Variants in KIF16B observed in about 807,000 individuals in gnomAD.
KIF16B encodes kinesin-like protein KIF16B.
A neutral mutation model predicts 156.3 loss-of-function variants in KIF16B; 98 were observed. The observed-to-expected ratio is 0.63, with a 90% confidence interval of 0.53 to 0.74. The LOEUF (loss-of-function observed/expected upper bound fraction) is 0.74. KIF16B is among the 30% of genes least tolerant of loss of function. KIF16B has a pLI of 0.00. For missense variants in KIF16B, 1,421 were observed against 1,606.5 expected (o/e 0.88, Z 1.97); for synonymous variants, 564 against 583.7 (o/e 0.97, Z 0.49).
At chr20:16,350,191 G>A (rs2064308893) in intron 23 of KIF16B, among the ~76,000 whole-genome samples, 1 of 152,248 alleles carries the variant, frequency 6.6e-6, no homozygotes, top group Non-Finnish European at 1.5e-5. Context: ...TAAGTTGTCT[G>A]TGTGTAGTTC....
chr20:16,485,008 T>C (rs1044081730), intron 12 of KIF16B, among the ~76,000 whole-genome samples: 4 of 152,214 alleles, frequency 2.6e-5, no homozygotes, highest in African/African-American at 9.6e-5. Context: ...TACACTGTGG[T>C]TGTACCCATG....
intron 23 of KIF16B, among the ~76,000 whole-genome samples, chr20:16,347,086 C>T (rs1284221710): frequency 6.6e-6 from 1 of 152,180 alleles, no homozygotes; most frequent in African/African-American, 2.4e-5. Flanking sequence ...AAAATGCATT[C>T]ATGATTCCTA....
rs1350234967 is a variant in KIF16B, at chr20:16,379,261, T to C, written c.2741A>G (p.Gln914Arg). ...YKERQLQYLLQNHLPTLLEEK... is the reference protein window; with the variant it reads ...YKERQLQYLLRNHLPTLLEEK... ...TTCCAACAGAGTTGGCAAGTGATTC[T>C]GCAGGAGGTACTGTAGCTGGCGTTC... The change falls in exon 19 of 26, where the codon CAG becomes CGG. Residue 914 changes from glutamine (Q) to arginine (R), a missense_variant. Physicochemically the swap from Gln to Arg is conservative, Grantham distance 43 (BLOSUM62 1). Transcript: ENST00000354981. The C allele has an allele frequency of 1.9e-6, 3 of 1,614,008 alleles. No individual in the cohort carries two copies. In the East Asian group the frequency reaches 6.7e-5, roughly 36 times the overall value.
intron 25 of KIF16B, among the ~76,000 whole-genome samples, chr20:16,277,641 G>C (rs2063083241): frequency 6.6e-6 from 1 of 151,970 alleles, no homozygotes; most frequent in African/African-American, 2.4e-5. Context: ...AGTCACCGTA[G>C]CCCTCCCAGG....
At chr20:16,531,876 T>G (rs995864155) in intron 1 of KIF16B, among the ~76,000 whole-genome samples, 1 of 152,064 alleles carries the variant, frequency 6.6e-6, no homozygotes, top group African/African-American at 2.4e-5. Flanking sequence ...GAGACCAGCC[T>G]GGCCAACATG....
intron 15 of KIF16B, among the ~76,000 whole-genome samples, chr20:16,411,776 T>C (rs936520242): frequency 6.6e-6 from 1 of 151,974 alleles, no homozygotes; most frequent in African/African-American, 2.4e-5. Flanking sequence ...CCTCTTTTCC[T>C]TTGTGGATAT....
chr20:16,459,699 C>T (rs577595266), intron 12 of KIF16B, among the ~76,000 whole-genome samples: 1 of 152,180 alleles, frequency 6.6e-6, no homozygotes, highest in Non-Finnish European at 1.5e-5. Context: ...CTATCTTGGG[C>T]CTGCTCCTCA....
intron 23 of KIF16B, among the ~76,000 whole-genome samples, chr20:16,340,373 C>T (rs1410326668): frequency 6.6e-6 from 1 of 152,186 alleles, no homozygotes; most frequent in African/African-American, 2.4e-5. Flanking sequence ...CTTCTGATTA[C>T]CTAACATGGT....
intron 15 of KIF16B, among the ~76,000 whole-genome samples, chr20:16,407,676 A>G (rs1355644540): frequency 6.6e-6 from 1 of 152,154 alleles, no homozygotes; most frequent in Non-Finnish European, 1.5e-5. Context: ...GGATGTTTGA[A>G]ACAGCATCAA....
intron 12 of KIF16B, among the ~76,000 whole-genome samples, chr20:16,487,946 A>C (rs62199774): frequency 0.013 from 2,051 of 152,308 alleles, 21 homozygotes; most frequent in Middle Eastern, 0.065. Flanking sequence ...CACATAATTA[A>C]AGTCTAAATA....
chr20:16,277,173 C>G (rs913541563), intron 25 of KIF16B, among the ~76,000 whole-genome samples: 16 of 152,270 alleles, frequency 1.1e-4, no homozygotes, highest in African/African-American at 3.6e-4. Flanking sequence ...CTGTGAGATG[C>G]GGCCATGCTG....
intron 12 of KIF16B, among the ~76,000 whole-genome samples, chr20:16,433,227 A>C (rs74553616): frequency 0.029 from 4,482 of 152,268 alleles, 89 homozygotes; most frequent in Non-Finnish European, 0.046. Flanking sequence ...CAAACTGCAC[A>C]CACAGTCAGT....
At chr20:16,441,932 G>C (rs757685522) in intron 12 of KIF16B, among the ~76,000 whole-genome samples, 5 of 152,054 alleles carry the variant, frequency 3.3e-5, no homozygotes, top group Non-Finnish European at 5.9e-5. Flanking sequence ...GTCTATATCT[G>C]TATTATATGG....
At chr20:16,416,622 C>T (rs571644047) in intron 15 of KIF16B, among the ~76,000 whole-genome samples, 1 of 151,892 alleles carries the variant, frequency 6.6e-6, no homozygotes, top group African/African-American at 2.4e-5. Flanking sequence ...CTAATGCATG[C>T]CATTAATACC....
intron 20 of KIF16B, among the ~76,000 whole-genome samples, chr20:16,372,014 T>C (rs1218947855): frequency 6.6e-6 from 1 of 152,192 alleles, no homozygotes; most frequent in African/African-American, 2.4e-5. Flanking sequence ...GGAGACTAAG[T>C]GATCCCATCC....
At chr20:16,505,568 G>T (rs1330456944) in intron 9 of KIF16B, among the ~76,000 whole-genome samples, 154 bp downstream of exon 9, 2 of 152,198 alleles carry the variant, frequency 1.3e-5, no homozygotes, top group Admixed American at 1.3e-4. Context: ...ATCATAGCAG[G>T]ATCATAGGAG....
At chr20:16,482,155 C>T (rs919125719) in intron 12 of KIF16B, among the ~76,000 whole-genome samples, 1 of 151,974 alleles carries the variant, frequency 6.6e-6, no homozygotes, top group African/African-American at 2.4e-5. Flanking sequence ...CAACTTAGGC[C>T]CTTATTCTTT....
intron 12 of KIF16B, among the ~76,000 whole-genome samples, chr20:16,461,505 G>A (rs2067344011): frequency 6.6e-6 from 1 of 152,038 alleles, no homozygotes; most frequent in Non-Finnish European, 1.5e-5. Context: ...TCATAATGGA[G>A]CCAAATTAAA....
At chr20:16,478,330 G>A (rs1008183955) in intron 12 of KIF16B, among the ~76,000 whole-genome samples, 1 of 152,136 alleles carries the variant, frequency 6.6e-6, no homozygotes, top group Non-Finnish European at 1.5e-5. Context: ...TGAGGATGTA[G>A]ACCAACCGGG....
Sources: gnomAD v4.1 joint callset for allele counts (sites outside exome capture counted in the v4.1 genomes callset) on GRCh38, gnomAD v4.1.1 for gene constraint, MANE v1.5 for transcripts, NCBI Gene and HGNC (gene_info 2026-07-23, HGNC 2026-07-21) for gene names.